The following MTHFD1L variants were observed in gnomAD, a reference collection of about 807,000 sequenced individuals.
The protein encoded by MTHFD1L is methylenetetrahydrofolate dehydrogenase (NADP+ dependent) 1 like.
In MTHFD1L, 81 loss-of-function variants were observed where a neutral mutation model predicts 119.5. The observed-to-expected ratio is 0.68, with a 90% CI of 0.57 to 0.82. MTHFD1L has a LOEUF of 0.82. MTHFD1L is among the 40% of genes least tolerant of loss of function. The probability of loss-of-function intolerance (pLI) is 0.00; values close to 1 mark genes in which losing one functional copy is unlikely to be tolerated. For missense variants in MTHFD1L, 1,125 were observed against 1,253.4 expected (o/e 0.90, Z 1.55); for synonymous variants, 430 against 475.2 (o/e 0.90, Z 1.24).
At chr6:151,027,887 T>G (rs773609797) in intron 24 of MTHFD1L, among the ~76,000 whole-genome samples, 2 of 152,176 alleles carry the variant, frequency 1.3e-5, no homozygotes, top group Non-Finnish European at 2.9e-5. Flanking sequence ...TTGAAGCACT[T>G]TATTCAGCAT....
intron 26 of MTHFD1L, among the ~76,000 whole-genome samples, chr6:151,049,153 C>T (rs555718541): frequency 2.0e-5 from 3 of 152,240 alleles, no homozygotes; most frequent in African/African-American, 7.2e-5. Context: ...GTCGGAGGTT[C>T]GAGACCAGCC....
At chr6:150,932,185 A>AAAAAAAAAAG (rs1554253693) in intron 11 of MTHFD1L, among the ~76,000 whole-genome samples, 1 of 148,598 alleles carries the variant, frequency 6.7e-6, no homozygotes, top group African/African-American at 2.6e-5. Flanking sequence ...AAAAAAAAAA[A>AAAAAAAAAAG]GCATCATTCC....
intron 7 of MTHFD1L, among the ~76,000 whole-genome samples, chr6:150,891,925 G>C (rs939340112): frequency 1.3e-5 from 2 of 152,212 alleles, no homozygotes; most frequent in African/African-American, 2.4e-5. Flanking sequence ...GAATGGAAAT[G>C]AGGAGTAAAT....
chr6:150,904,780 C>A (rs1188902990), intron 7 of MTHFD1L, among the ~76,000 whole-genome samples: 1 of 152,114 alleles, frequency 6.6e-6, no homozygotes, highest in Non-Finnish European at 1.5e-5. Context: ...GATCAAAATG[C>A]AAATAGGATG....
chr6:150,888,365 A>G (rs1782670160), intron 7 of MTHFD1L, among the ~76,000 whole-genome samples: 1 of 152,242 alleles, frequency 6.6e-6, no homozygotes, highest in South Asian at 2.1e-4. Context: ...AAATCTGAGA[A>G]CACCAAATAC....
chr6:150,989,009 G>T (rs1778705281), intron 20 of MTHFD1L, among the ~76,000 whole-genome samples: 1 of 152,228 alleles, frequency 6.6e-6, no homozygotes, highest in Non-Finnish European at 1.5e-5. Context: ...CAAAGTGCTG[G>T]GATTACAGGC....
intron 27 of MTHFD1L, 40 bp downstream of exon 27, chr6:151,092,627 T>C (rs1794552689): frequency 7.8e-7 from 1 of 1,276,072 alleles, no homozygotes; most frequent in African/African-American, 1.5e-5. Flanking sequence ...CTTTGTTTTT[T>C]TCCAGTTCAT....
intron 17 of MTHFD1L, among the ~76,000 whole-genome samples, chr6:150,957,361 A>G (rs1419896199): frequency 1.3e-5 from 2 of 152,226 alleles, no homozygotes; most frequent in East Asian, 3.8e-4. Context: ...TCAAGTGAAA[A>G]TAGTAGGTAC....
rs1172513473 is a variant in MTHFD1L at position 150,970,860 on chromosome 6, A to G, written c.2014-1087A>G. Reference sequence around the variant, plus strand: ...ACATTCCAATATTTTTTTCTCACCAACTCCATACTGGGAGTTTTAAAACCA... The same window carrying G: ...ACATTCCAATATTTTTTTCTCACCAGCTCCATACTGGGAGTTTTAAAACCA... On this transcript the variant is annotated intron_variant, in intron 19 of 27. Coordinates refer to ENST00000367321, the MANE Select transcript of MTHFD1L (RefSeq NM_015440.5). Among the ~76,000 whole-genome samples, 50 of 152,036 alleles carry G rather than the reference A, an allele frequency of 3.3e-4. 1 individual carries two copies. The highest frequency in any genetic ancestry group is 3.9e-4 in the East Asian group (2 of 5,182).
chr6:151,057,865 G>A (rs554406696), intron 26 of MTHFD1L, among the ~76,000 whole-genome samples: 42 of 152,220 alleles, frequency 2.8e-4, no homozygotes, highest in Non-Finnish European at 5.0e-4. Flanking sequence ...TGCAACCTCC[G>A]CCTCCCAGGC....
chr6:151,014,135 A>AG (rs1303270807), intron 22 of MTHFD1L, among the ~76,000 whole-genome samples: 3 of 152,142 alleles, frequency 2.0e-5, no homozygotes, highest in African/African-American at 7.2e-5. Context: ...TGAACCTGGG[A>AG]GGCAGAGGTT....
intron 26 of MTHFD1L, among the ~76,000 whole-genome samples, chr6:151,085,026 T>TAC (rs571996419): frequency 2.8e-4 from 41 of 143,950 alleles, no homozygotes; most frequent in South Asian, 6.5e-4. Context: ...TATATGTATA[T>TAC]ACACACACAC....
At chr6:151,007,944 G>C (rs1312983632) in intron 20 of MTHFD1L, among the ~76,000 whole-genome samples, 2 of 152,140 alleles carry the variant, frequency 1.3e-5, no homozygotes, top group Non-Finnish European at 2.9e-5. Flanking sequence ...TAAATGGCTT[G>C]TAGCTATATT....
At chr6:151,035,392 T>TA (rs992096493) in intron 25 of MTHFD1L, among the ~76,000 whole-genome samples, 14 of 152,056 alleles carry the variant, frequency 9.2e-5, no homozygotes, top group Non-Finnish European at 1.8e-4. Flanking sequence ...ACCTTTTCTT[T>TA]AAAAAAAATC....
intron 10 of MTHFD1L, among the ~76,000 whole-genome samples, chr6:150,924,842 GA>G (rs1435038128): frequency 7.2e-5 from 11 of 152,176 alleles, no homozygotes; most frequent in African/African-American, 1.7e-4. Context: ...GAGAGAGACA[GA>G]AAAAAACTAT....
At position 150,907,897 on chromosome 6, in the gene MTHFD1L, A is replaced by ATT. The variant is rs11442424; in HGVS notation, c.892+2151_892+2152dup. Among the ~76,000 whole-genome samples the ATT allele has an allele frequency of 4.8e-4, 67 of 140,880 alleles. 1 individual carries two copies. Among genetic ancestry groups the ATT allele is most frequent in the East Asian group, 1.0e-3 (5 of 4,812 alleles). The allele number at this position is 140,880 out of a possible 152,430, so 92.4% of individuals were successfully genotyped here. On this transcript the variant is annotated intron_variant, in intron 8 of 27. Transcript: ENST00000367321. ...TGACGCTTAGTAACCGCTCTGTGAAATTTTTTTTTTTTTTTTGGAGACAGA... is the reference window on the plus strand; with the variant it reads ...TGACGCTTAGTAACCGCTCTGTGAAATTTTTTTTTTTTTTTTTTGGAGACAGA...
At chr6:150,948,299 G>A (rs562026761) in intron 15 of MTHFD1L, among the ~76,000 whole-genome samples, 6 of 151,098 alleles carry the variant, frequency 4.0e-5, no homozygotes, top group South Asian at 4.2e-4. Flanking sequence ...GAGCCACCAC[G>A]CCCAGCTTAG....
intron 1 of MTHFD1L, 36 bp from the exon 2 acceptor site, chr6:150,876,054 C>A: frequency 6.7e-7 from 1 of 1,489,904 alleles, no homozygotes; most frequent in Non-Finnish European, 9.3e-7. Context: ...ACTCATTAAC[C>A]AAGAAATCAC....
At chr6:151,067,829 C>T (rs2128612892) in intron 26 of MTHFD1L, among the ~76,000 whole-genome samples, 2 of 152,352 alleles carry the variant, frequency 1.3e-5, no homozygotes, top group Admixed American at 1.3e-4. Flanking sequence ...TGGTGGCAGC[C>T]TGCCAGCTTG....
Sources: allele counts gnomAD v4.1 joint callset (sites outside exome capture counted in the v4.1 genomes callset), GRCh38; gene constraint gnomAD v4.1.1; transcripts MANE v1.5; gene names NCBI Gene and HGNC (gene_info 2026-07-23, HGNC 2026-07-21).